The following CRACD variants were observed in gnomAD, a reference collection of about 807,000 sequenced individuals.
CRACD encodes capping protein-inhibiting regulator of actin dynamics.
Under a neutral mutation model 106.8 loss-of-function variants are expected in CRACD, and 56 were observed. The observed-to-expected ratio is 0.52, with a 90% confidence interval of 0.42 to 0.66. The LOEUF (loss-of-function observed/expected upper bound fraction) is 0.66. Among genes scored for constraint, CRACD ranks in the 30% least tolerant of loss-of-function variants. The pLI is 0.00. For synonymous variants in CRACD, 754 were observed against 670.8 expected (o/e 1.12, Z -1.92); for missense variants, 1,730 against 1,623.2 (o/e 1.07, Z -1.13).
intron 2 of CRACD, among the ~76,000 whole-genome samples, chr4:56,261,493 G>A (rs1032795758): frequency 2.6e-5 from 4 of 151,776 alleles, no homozygotes; most frequent in African/African-American, 9.7e-5. Context: ...TTGGATTACA[G>A]GTGCCCACCA....
chr4:56,200,303 A>G (rs969834515), intron 2 of CRACD, among the ~76,000 whole-genome samples: 2 of 152,198 alleles, frequency 1.3e-5, no homozygotes, highest in Non-Finnish European at 2.9e-5. Flanking sequence ...GTTCAACACA[A>G]TGAAATCTTC....
chr4:56,221,120 T>G (rs1009947618), intron 2 of CRACD, among the ~76,000 whole-genome samples: 1 of 151,976 alleles, frequency 6.6e-6, no homozygotes, highest in African/African-American at 2.4e-5. Flanking sequence ...AGCTAGGGAG[T>G]TGAACTTGAT....
At chr4:56,228,870 C>T (rs1233656302) in intron 2 of CRACD, among the ~76,000 whole-genome samples, 1 of 152,130 alleles carries the variant, frequency 6.6e-6, no homozygotes, top group East Asian at 1.9e-4. Context: ...TTAAAGGTTC[C>T]TGTTTCAATC....
rs144455436 is a variant in CRACD, at chr4:56,179,829, C to T, written c.-189+399C>T. Among the ~76,000 whole-genome samples the T allele has an allele frequency of 4.9e-3, 752 of 152,132 alleles. 6 individuals carry two copies. The highest frequency in any genetic ancestry group is 0.017 in the African/African-American group (715 of 41,506). On this transcript the variant is annotated intron_variant, in intron 2 of 10. Transcript: ENST00000682029. The stretch of plus-strand genomic sequence containing the variant: ...GGTCAGGAGTTCGAGACCAGGCTGG[C>T]TGACATGCTGAAACCCATCTCTACT...
At chr4:56,215,005 G>GA (rs1738608510) in intron 2 of CRACD, among the ~76,000 whole-genome samples, 1 of 151,360 alleles carries the variant, frequency 6.6e-6, no homozygotes, top group African/African-American at 2.4e-5. Context: ...ATCTCAAAGA[G>GA]AAAAAACAAA....
rs753045731 is a variant in CRACD, at chr4:56,314,439, C to T, written c.937C>T (p.Arg313Cys). The change falls in exon 8 of 11, where the codon CGC (arginine) becomes TGC (cysteine). Residue 313 changes from arginine (R) to cysteine (C), a missense_variant. Physicochemically the swap from Arg to Cys is radical, Grantham distance 180. Coordinates refer to ENST00000682029, the MANE Select transcript of CRACD (RefSeq NM_001393381.1). This position sits in a 1 kb window ranked among gnomAD's most constrained non-coding sequence, Gnocchi z 4.4. ...GCGGAGGGAGCGTGAGGAGCGCGAG[C>T]GCCTGGAGGCGGAGGAGGAGCGAAG... ...AERREREERERLEAEEERRRL... is the reference protein window; with the variant it reads ...AERREREERECLEAEEERRRL... The T allele has an allele frequency of 6.7e-7, 1 of 1,484,454 alleles. No individual in the cohort carries two copies. The highest frequency in any genetic ancestry group is 1.7e-5 in the African/African-American group (1 of 59,126). The allele number at this position is 1,484,454 out of a possible 1,614,324, so 92.0% of individuals were successfully genotyped here.
chr4:56,129,799 G>A (rs1007283292), intron 1 of CRACD, among the ~76,000 whole-genome samples: 3 of 152,180 alleles, frequency 2.0e-5, no homozygotes, highest in Admixed American at 6.5e-5. Context: ...AGGATTATGC[G>A]TACAGTGCTA....
intron 4 of CRACD, among the ~76,000 whole-genome samples, chr4:56,301,690 G>A (rs1175956452): frequency 2.0e-5 from 3 of 151,678 alleles, no homozygotes; most frequent in Non-Finnish European, 4.4e-5. Context: ...GCACATGGTG[G>A]GCTCACCGAG....
At chr4:56,107,920 C>T (rs1037389217) in intron 1 of CRACD, among the ~76,000 whole-genome samples, 4 of 152,200 alleles carry the variant, frequency 2.6e-5, no homozygotes, top group Non-Finnish European at 4.4e-5. Context: ...TTCATTTCCT[C>T]TTTAACAAAA....
chr4:56,084,035 A>G (rs1733131914), intron 1 of CRACD, among the ~76,000 whole-genome samples: 1 of 152,188 alleles, frequency 6.6e-6, no homozygotes, highest in South Asian at 2.1e-4. Flanking sequence ...GAATTGATTC[A>G]ACAGTGAGGT....
intron 2 of CRACD, among the ~76,000 whole-genome samples, chr4:56,213,192 A>G (rs1377472511): frequency 6.6e-6 from 1 of 152,230 alleles, no homozygotes; most frequent in Non-Finnish European, 1.5e-5. Context: ...CACACCTATA[A>G]TCCCAGCACT....
chr4:56,168,628 C>T (rs1382067869), intron 1 of CRACD, among the ~76,000 whole-genome samples: 4 of 149,944 alleles, frequency 2.7e-5, no homozygotes, highest in African/African-American at 9.8e-5. Context: ...TTTTTGTCCA[C>T]TGATGGATAT....
chr4:56,072,479 G>A (rs1422514108), intron 1 of CRACD, among the ~76,000 whole-genome samples: 1 of 152,128 alleles, frequency 6.6e-6, no homozygotes, highest in Non-Finnish European at 1.5e-5. Context: ...CAGCCTTATT[G>A]AGATATAATT....
chr4:56,295,923 A>G (rs1743997925), intron 3 of CRACD, among the ~76,000 whole-genome samples: 2 of 151,990 alleles, frequency 1.3e-5, no homozygotes, highest in South Asian at 4.1e-4. Flanking sequence ...GGACAGGGAG[A>G]TCATAACATA....
chr4:56,129,742 G>T (rs1363217617), intron 1 of CRACD, among the ~76,000 whole-genome samples: 1 of 152,172 alleles, frequency 6.6e-6, no homozygotes, highest in Non-Finnish European at 1.5e-5. Context: ...CCCAGAAAAA[G>T]CTTACAGTAG....
At position 56,280,199 on chromosome 4, in the gene CRACD, C is replaced by T. The variant is rs574600473; in HGVS notation, c.-17+7707C>T. On this transcript the variant is annotated intron_variant, in intron 3 of 10. Transcript: ENST00000682029. ...AGGACATATACCTAATGTTAAATGA[C>T]GAGTTAATGGGTGCAGCACACCAAC... is the stretch of plus-strand genomic sequence containing the variant. Among the ~76,000 whole-genome samples, 13 of 150,746 alleles carry T rather than the reference C, an allele frequency of 8.6e-5. No homozygotes were observed. In the East Asian group the frequency reaches 1.8e-3, roughly 20 times the overall value.
intron 1 of CRACD, among the ~76,000 whole-genome samples, chr4:56,129,091 T>A (rs559192798): frequency 6.6e-6 from 1 of 152,304 alleles, no homozygotes; most frequent in East Asian, 1.9e-4. Context: ...TAAAAATGTC[T>A]TTGAGACAAG....
chr4:56,147,727 A>G (rs563171909), intron 1 of CRACD, among the ~76,000 whole-genome samples: 22 of 152,266 alleles, frequency 1.4e-4, no homozygotes, highest in African/African-American at 5.3e-4. Context: ...CTGTTTTCCA[A>G]AGTTTGTTGC....
chr4:56,280,016 C>T (rs1055397942), intron 3 of CRACD, among the ~76,000 whole-genome samples: 4 of 151,364 alleles, frequency 2.6e-5, no homozygotes, highest in Non-Finnish European at 5.9e-5. Flanking sequence ...AGCTGGAAAC[C>T]ATCATTCTCA....
Sources: allele counts gnomAD v4.1 joint callset (sites outside exome capture counted in the v4.1 genomes callset), GRCh38; gene constraint gnomAD v4.1.1; non-coding constraint Gnocchi (gnomAD v3.1); transcripts MANE v1.5; gene names NCBI Gene and HGNC (gene_info 2026-07-23, HGNC 2026-07-21).